STRIP1: variants seen among roughly 807,000 people sequenced by gnomAD.
STRIP1 encodes striatin interacting protein 1.
A neutral mutation model predicts 106.2 loss-of-function variants in STRIP1; 63 were observed. The ratio of observed to expected loss-of-function variants is 0.59; its 90% CI spans 0.48 to 0.73. The LOEUF is 0.73. Ranked by LOEUF, STRIP1 falls within the 30% of genes least tolerant of loss-of-function variation. The pLI is 0.00. For missense variants in STRIP1, 857 were observed against 1,074.8 expected, an observed-to-expected ratio of 0.80 and a Z score of 2.83; for synonymous variants, 390 against 413.0, an observed-to-expected ratio of 0.94 and a Z score of 0.67.
Position 110,043,209 on chromosome 1 carries a change from C to T in STRIP1, c.1007C>T (p.Pro336Leu). 6.2e-7 allele frequency: 1 copy of T among 1,613,910 alleles called. No homozygotes were observed. The highest frequency in any genetic ancestry group is 8.5e-7 in the Non-Finnish European group (1 of 1,180,040). Residue 336 changes from proline to leucine, a missense_variant, in exon 9 of 21, where the codon CCA becomes CTA. This residue lies in a region of STRIP1 where 750 missense variants were observed against 989.8 expected (regional missense o/e 0.76). Transcript: ENST00000369795. ...ATTCGCAACATGAGAGCAGCCTCTC[C>T]ACCAGCATCTGCTTCAGACTTGATT... is the stretch of plus-strand genomic sequence containing the variant. ...KVIRNMRAAS[P>L]PASASDLIEQ...
intron 13 of STRIP1, 56 bp from the exon 14 acceptor site, chr1:110,047,486 C>T (rs1653081476): frequency 3.5e-6 from 5 of 1,446,646 alleles, no homozygotes. Context: ...AGGAAGCTGG[C>T]TCAGGAGATT....
intron 20 of STRIP1, among the ~76,000 whole-genome samples, chr1:110,053,176 C>T (rs1413666764): frequency 6.6e-6 from 1 of 152,202 alleles, no homozygotes; most frequent in Non-Finnish European, 1.5e-5. Context: ...AGTGTGTCTC[C>T]CCTGCCCACC....
upstream of STRIP1, among the ~76,000 whole-genome samples, chr1:110,033,155 A>G (rs1260661598): frequency 6.6e-6 from 1 of 152,088 alleles, no homozygotes; most frequent in Non-Finnish European, 1.5e-5. Context: ...CTCATCTAAA[A>G]TCACACCCTC....
Position 110,043,206 on chromosome 1 carries a change from C to T in STRIP1, c.1004C>T (p.Ser335Phe), listed in dbSNP as rs753823317. 6.2e-7 allele frequency: 1 copy of T among 1,613,948 alleles called. No individual in the cohort carries two copies. The highest frequency in any genetic ancestry group is 8.5e-7 in the Non-Finnish European group (1 of 1,180,038). ...GTGATTCGCAACATGAGAGCAGCCT[C>T]TCCACCAGCATCTGCTTCAGACTTG... ...IKVIRNMRAA[S>F]PPASASDLIE... is the part of the protein sequence containing the mutation. The change falls in exon 9 of 21, where the codon TCT (serine) becomes TTT (phenylalanine). Residue 335 changes from serine to phenylalanine, a missense_variant. By Grantham distance (155) the Ser-to-Phe change is radical. This residue lies in a region of STRIP1 where 750 missense variants were observed against 989.8 expected (regional missense o/e 0.76). Transcript: ENST00000369795.
chr1:110,040,580 A>T, intron 5 of STRIP1, 55 bp from the exon 6 acceptor site: 1 of 1,532,598 alleles, frequency 6.5e-7, no homozygotes, highest in Non-Finnish European at 8.9e-7. Flanking sequence ...CTTGTCAGGG[A>T]CATCACTTAT....
chr1:110,046,650 C>T, intron 12 of STRIP1, 30 bp from the exon 13 acceptor site: 1 of 1,606,622 alleles, frequency 6.2e-7, no homozygotes, highest in Non-Finnish European at 8.5e-7. Flanking sequence ...ATGTTTTCCC[C>T]AGCCCTTCTT....
chr1:110,048,896 A>G (rs1413158041), intron 15 of STRIP1, among the ~76,000 whole-genome samples: 1 of 152,168 alleles, frequency 6.6e-6, no homozygotes, highest in Non-Finnish European at 1.5e-5. Context: ...CTGAGAATGT[A>G]TTTGAGGGCA....
Position 110,041,642 on chromosome 1 carries a change from G to A in STRIP1, c.757G>A (p.Gly253Ser). 3 of 1,614,118 alleles carry A rather than the reference G, an allele frequency of 1.9e-6. No homozygotes were observed. Among genetic ancestry groups the A allele is most frequent in the Non-Finnish European group, 2.5e-6 (3 of 1,180,024 alleles). Residue 253 changes from glycine to serine, a missense_variant and splice_region_variant, in exon 7 of 21, where the codon GGC becomes AGC. Around this residue, in one of 2 missense-constraint regions of STRIP1, gnomAD observed 750 missense variants for 989.8 expected, o/e 0.76. Coordinates refer to ENST00000369795, the MANE Select transcript of STRIP1 (RefSeq NM_033088.4). ...GCGGCAGACCTTCAGAGCCGAGCTGGGTAGGACCCTGGGGATCCTCTCTAG... is the reference window on the plus strand; with the variant it reads ...GCGGCAGACCTTCAGAGCCGAGCTGAGTAGGACCCTGGGGATCCTCTCTAG... ...TMRQTFRAEL[G>S]SPLYNNEPFA... is the part of the protein sequence containing the mutation.
chr1:110,046,182 G>A (rs980979788), intron 12 of STRIP1, among the ~76,000 whole-genome samples: 1 of 152,072 alleles, frequency 6.6e-6, no homozygotes, highest in African/African-American at 2.4e-5. Context: ...TACTGTAGTT[G>A]CAAGAGGAAG....
chr1:110,045,224 A>G (rs1652965211), intron 12 of STRIP1, 146 bp downstream of exon 12: 1 of 665,504 alleles, frequency 1.5e-6, no homozygotes, highest in Admixed American at 2.8e-5. Context: ...TAACCTTGCA[A>G]ACAGTCTTTC....
chr1:110,043,096 A>C lies in STRIP1; in HGVS notation c.894A>C (p.Leu298=). 1 of 1,612,172 alleles carries C rather than the reference A, an allele frequency of 6.2e-7. No individual in the cohort carries two copies. Among genetic ancestry groups the C allele is most frequent in the Non-Finnish European group, 8.5e-7 (1 of 1,179,264 alleles). ...LLLWKTVLCT[L]GGFEELQSMK... Reference sequence around the variant, plus strand: ...CCCTGTCTGTGATGCAGTGCACGCTAGGCGGCTTTGAGGAGCTGCAGAGCA... The same window carrying C: ...CCCTGTCTGTGATGCAGTGCACGCTCGGCGGCTTTGAGGAGCTGCAGAGCA... The change falls in exon 9 of 21, where the codon CTA becomes CTC. Residue 298 remains leucine (L), a synonymous_variant. Transcript: ENST00000369795.
chr1:110,050,496 A>C, intron 18 of STRIP1, 87 bp downstream of exon 18: 1 of 1,270,832 alleles, frequency 7.9e-7, no homozygotes, highest in Non-Finnish European at 1.1e-6. Context: ...GCAGGAATAG[A>C]GGTGTCTCCC....
intron 1 of STRIP1, among the ~76,000 whole-genome samples, chr1:110,037,036 T>A (rs947151453): frequency 3.3e-5 from 5 of 152,154 alleles, no homozygotes; most frequent in African/African-American, 4.8e-5. Flanking sequence ...GGTTTTACCA[T>A]GTTGGCCAGG....
chr1:110,036,436 A>G lies in STRIP1; in HGVS notation c.181-1455A>G, dbSNP rs552020238. ...ACCATTGCACTCCAGCCTGGGTGAC[A>G]AGAGCGAAACTCTCCCCGTCTCAAA... is the stretch of plus-strand genomic sequence containing the variant. On this transcript the variant is annotated intron_variant, in intron 1 of 20. Transcript: ENST00000369795. Among the ~76,000 whole-genome samples, 8 of 152,320 alleles carry G rather than the reference A, an allele frequency of 5.3e-5. No individual in the cohort carries two copies. In the South Asian group the frequency reaches 1.4e-3, roughly 28 times the overall value.
At chr1:110,043,310 C>T (rs1652864892) in intron 9 of STRIP1, 40 bp downstream of exon 9, 1 of 1,590,752 alleles carries the variant, frequency 6.3e-7, no homozygotes, top group African/African-American at 1.3e-5. Context: ...TGAGGGCCCT[C>T]AAGGTGCATG....
At chr1:110,038,985 C>T (rs1169090719) in intron 3 of STRIP1, 187 bp from the exon 4 acceptor site, 2 of 784,616 alleles carry the variant, frequency 2.5e-6, no homozygotes, top group East Asian at 2.7e-5. Flanking sequence ...ATTAAAATTG[C>T]ACCCAAAATA....
At chr1:110,034,290 A>G (rs1175483170), upstream of STRIP1, among the ~76,000 whole-genome samples, 2 of 152,188 alleles carry the variant, frequency 1.3e-5, no homozygotes, top group East Asian at 1.9e-4. Context: ...GATCCTATCC[A>G]TTTTGTTCAT....
Position 110,034,697 on chromosome 1 carries a change from C to T in STRIP1, c.60C>T (p.Pro20=), listed in dbSNP as rs1007055556. Residue 20 remains proline, a synonymous_variant, in exon 1 of 21, where the codon CCC becomes CCT. Transcript: ENST00000369795. ...PLIVNNKQPQ[P]PPPPPPAAAQ... ...TCGTGAACAACAAACAGCCCCAGCC[C>T]CCGCCACCTCCGCCGCCGGCAGCCG... 3 of 1,513,728 alleles carry T rather than the reference C, an allele frequency of 2.0e-6. No homozygotes were observed. The highest frequency in any genetic ancestry group is 2.6e-6 in the Non-Finnish European group (3 of 1,133,240). The allele number at this position is 1,513,728 out of a possible 1,614,324, so 93.8% of individuals were successfully genotyped here. A position where few individuals can be genotyped will look rare whatever the true frequency, so the allele number is the denominator to read the frequency against.
In STRIP1 at chr1:110,034,673, C is replaced by G; in HGVS notation, c.36C>G (p.Ile12Met). ...EPAVGGPGPL[I>M]VNNKQPQPPP... is the part of the protein sequence containing the mutation. ...CAGTCGGCGGTCCGGGCCCACTGATCGTGAACAACAAACAGCCCCAGCCCC... is the reference window on the plus strand; with the variant it reads ...CAGTCGGCGGTCCGGGCCCACTGATGGTGAACAACAAACAGCCCCAGCCCC... Residue 12 changes from isoleucine (I) to methionine (M), a missense_variant, in exon 1 of 21, where the codon ATC (isoleucine) becomes ATG (methionine). Physicochemically the swap from Ile to Met is conservative, Grantham distance 10. Around this residue, in one of 2 missense-constraint regions of STRIP1, gnomAD observed 107 missense variants for 85.1 expected, o/e 1.26. Transcript: ENST00000369795. 1 of 1,524,588 alleles carries G rather than the reference C, an allele frequency of 6.6e-7. No individual in the cohort carries two copies. Among genetic ancestry groups the G allele is most frequent in the Non-Finnish European group, 8.8e-7 (1 of 1,136,994 alleles). The allele number at this position is 1,524,588 out of a possible 1,614,324, so 94.4% of individuals were successfully genotyped here. A position where few individuals can be genotyped will look rare whatever the true frequency, so the allele number is the denominator to read the frequency against.
Sources: allele counts gnomAD v4.1 joint callset (sites outside exome capture counted in the v4.1 genomes callset), GRCh38; gene constraint gnomAD v4.1.1; regional missense constraint gnomAD v4.1.1; transcripts MANE v1.5; gene names NCBI Gene and HGNC (gene_info 2026-07-23, HGNC 2026-07-21).